The following CCDC152 variants were observed in gnomAD, a reference collection of about 807,000 sequenced individuals.
The protein encoded by CCDC152 is coiled-coil domain-containing protein 152.
Under a neutral mutation model 38.1 loss-of-function variants are expected in CCDC152, and 37 were observed. The ratio of observed to expected loss-of-function variants is 0.97; its 90% CI spans 0.75 to 1.28. The LOEUF (loss-of-function observed/expected upper bound fraction) is 1.28. CCDC152 is among the 50% of genes most tolerant of loss of function. The pLI, the probability that CCDC152 is intolerant of heterozygous loss-of-function variation, is 0.00. For synonymous variants in CCDC152, 83 were observed against 87.1 expected (o/e 0.95, Z 0.26); for missense variants, 259 against 292.1 (o/e 0.89, Z 0.83).
intron 3 of CCDC152, 30 bp from the exon 4 acceptor site, chr5:42,769,567 T>C (rs1044320352): frequency 1.5e-5 from 21 of 1,444,774 alleles, no homozygotes; most frequent in Admixed American, 3.0e-5. Flanking sequence ...AGCAAGGGAT[T>C]TTAAAATAAA....
chr5:42,797,319 G>A lies in CCDC152; in HGVS notation c.558+363G>A, dbSNP rs1228472834. Among the ~76,000 whole-genome samples the A allele has an allele frequency of 2.6e-5, 4 of 152,296 alleles. No individual in the cohort carries two copies. The East Asian group carries it at 7.7e-4, about 29-fold the overall frequency. ...AGCAACTTTAGGCCCAACACTAGGT[G>A]AGAGACAACAGCCTTTCATAGACTT... On this transcript the variant is annotated intron_variant, in intron 7 of 8. Transcript: ENST00000361970.
rs1579709294 is a variant in CCDC152 at position 42,770,630 on chromosome 5, G to A, written c.262+965G>A. Among the ~76,000 whole-genome samples the A allele has an allele frequency of 3.3e-5, 5 of 152,090 alleles. 1 individual carries two copies. The Middle Eastern group carries it at 0.017, about 517-fold the overall frequency. On this transcript the variant is annotated intron_variant, in intron 4 of 8. Transcript: ENST00000361970. ...GCTTGGGCTATTTGAGGTCTTTTGT[G>A]TTTCCATATGGATTTTAAGATTGTT...
Position 42,799,662 on chromosome 5 carries a change from C to CAAATTTGTTTGT in CCDC152, c.646_647insAAATTTGTTTGT (p.Leu216delinsGlnIleCysLeuPhe). ...ACAAATTTTTTGTTTCGTTTAGAAA[C>CAAATTTGTTTGT]TTCAGCATTTTCAAGAAGAAAAAAA... is the stretch of plus-strand genomic sequence containing the variant. On this transcript the variant is annotated protein_altering_variant, in exon 9 of 9. Coordinates refer to ENST00000361970, the MANE Select transcript of CCDC152 (RefSeq NM_001134848.2). 1 of 1,543,706 alleles carries CAAATTTGTTTGT rather than the reference C, an allele frequency of 6.5e-7. No homozygotes were observed. Among genetic ancestry groups the CAAATTTGTTTGT allele is most frequent in the Non-Finnish European group, 8.7e-7 (1 of 1,143,006 alleles).
At position 42,800,901 on chromosome 5, in the gene CCDC152, T is replaced by C. The variant is rs765771253; in HGVS notation, c.*1120T>C. The C allele has an allele frequency of 1.9e-6, 3 of 1,614,232 alleles. No homozygotes were observed. The highest frequency in any genetic ancestry group is 3.3e-4 in the Middle Eastern group (2 of 6,062). ...TCAGCTACATAAAGATGGGAGGTTT[T>C]CTTTACACTGTCAGGTGATTGCAGA... On this transcript the variant is annotated 3_prime_UTR_variant, in exon 9 of 9. Transcript: ENST00000361970.
chr5:42,791,383 A>G (rs984672855), intron 6 of CCDC152, among the ~76,000 whole-genome samples: 1 of 152,186 alleles, frequency 6.6e-6, no homozygotes, highest in Non-Finnish European at 1.5e-5. Flanking sequence ...TGCCATCCCC[A>G]TGGGTATTAA....
chr5:42,764,650 A>G (rs1759601728), intron 3 of CCDC152, among the ~76,000 whole-genome samples: 1 of 152,238 alleles, frequency 6.6e-6, no homozygotes, highest in Non-Finnish European at 1.5e-5. Context: ...GTTACATCAT[A>G]TCAACAGAAT....
intron 6 of CCDC152, among the ~76,000 whole-genome samples, chr5:42,786,740 G>A (rs1330788666): frequency 6.6e-6 from 1 of 151,868 alleles, no homozygotes; most frequent in Non-Finnish European, 1.5e-5. Flanking sequence ...GTGCAACGTT[G>A]GGTTGTTAAT....
chr5:42,759,980 T>C (rs1759528256), intron 2 of CCDC152, among the ~76,000 whole-genome samples: 2 of 152,042 alleles, frequency 1.3e-5, no homozygotes, highest in African/African-American at 4.8e-5. Flanking sequence ...TATCCTTCCA[T>C]GGATAAAAGG....
intron 5 of CCDC152, among the ~76,000 whole-genome samples, chr5:42,781,288 C>G (rs1759840834): frequency 6.6e-6 from 1 of 152,160 alleles, no homozygotes; most frequent in African/African-American, 2.4e-5. Flanking sequence ...GGATTGCCAG[C>G]TGGGTTCACC....
chr5:42,758,584 T>A (rs1371761011), intron 1 of CCDC152, among the ~76,000 whole-genome samples: 1 of 152,204 alleles, frequency 6.6e-6, no homozygotes, highest in African/African-American at 2.4e-5. Flanking sequence ...GTTCTTATGA[T>A]TGATTTCATA....
intron 6 of CCDC152, among the ~76,000 whole-genome samples, chr5:42,791,084 G>A (rs1561279139): frequency 1.3e-5 from 2 of 152,266 alleles, no homozygotes; most frequent in East Asian, 3.9e-4. Flanking sequence ...TAGCCAATGG[G>A]TTCCAGATCC....
At chr5:42,786,435 C>G (rs1256019317) in intron 6 of CCDC152, among the ~76,000 whole-genome samples, 3 of 152,056 alleles carry the variant, frequency 2.0e-5, no homozygotes, top group Non-Finnish European at 4.4e-5. Flanking sequence ...ATAGTAGTCA[C>G]TGAAGATCTT....
chr5:42,758,508 C>A (rs1004361017), intron 1 of CCDC152, among the ~76,000 whole-genome samples: 1 of 152,176 alleles, frequency 6.6e-6, no homozygotes, highest in Admixed American at 6.5e-5. Flanking sequence ...GTAAACTCAT[C>A]CAGTCAGAAT....
intron 1 of CCDC152, among the ~76,000 whole-genome samples, chr5:42,758,595 G>A (rs1421908193): frequency 6.6e-6 from 1 of 152,120 alleles, no homozygotes; most frequent in Non-Finnish European, 1.5e-5. Flanking sequence ...TGATTTCATA[G>A]GACTAAAACT....
chr5:42,783,672 G>A, intron 6 of CCDC152, 96 bp downstream of exon 6: 1 of 458,214 alleles, frequency 2.2e-6, no homozygotes, highest in Non-Finnish European at 3.2e-6. Flanking sequence ...TGGTGTTTGG[G>A]CTTCTAGTGA....
Position 42,801,054 on chromosome 5 carries a change from T to C in CCDC152, c.*1273T>C. 2 of 1,614,218 alleles carry C rather than the reference T, an allele frequency of 1.2e-6. No individual in the cohort carries two copies. Among genetic ancestry groups the C allele is most frequent in the Non-Finnish European group, 1.7e-6 (2 of 1,180,024 alleles). ...CTTTCGACAGAGCTTCTTTTGTAAA[T>C]CTTGTAAATCTTCACTTGCTGGCAT... On this transcript the variant is annotated 3_prime_UTR_variant, in exon 9 of 9. Coordinates refer to ENST00000361970, the MANE Select transcript of CCDC152 (RefSeq NM_001134848.2).
chr5:42,777,393 G>A (rs951883504), intron 4 of CCDC152, among the ~76,000 whole-genome samples: 2 of 151,766 alleles, frequency 1.3e-5, no homozygotes, highest in Non-Finnish European at 2.9e-5. Flanking sequence ...ACCCAGGAGG[G>A]GGAGGTTGCA....
At chr5:42,772,674 T>C (rs939182374) in intron 4 of CCDC152, among the ~76,000 whole-genome samples, 2 of 150,232 alleles carry the variant, frequency 1.3e-5, no homozygotes, top group African/African-American at 4.9e-5. Flanking sequence ...AAATAGCCAT[T>C]CTTAAAAATG....
intron 2 of CCDC152, 105 bp downstream of exon 2, chr5:42,759,313 G>A (rs1759519664): frequency 1.7e-6 from 1 of 593,736 alleles, no homozygotes; most frequent in African/African-American, 1.9e-5. Flanking sequence ...AAATGATCAA[G>A]ATAATAATAT....
Sources: allele counts gnomAD v4.1 joint callset (sites outside exome capture counted in the v4.1 genomes callset), GRCh38; gene constraint gnomAD v4.1.1; transcripts MANE v1.5; gene names NCBI Gene and HGNC (gene_info 2026-07-23, HGNC 2026-07-21).